KCNK13: variants seen among roughly 807,000 people sequenced by gnomAD.
KCNK13 encodes the protein potassium two pore domain channel subfamily K member 13, also known as potassium channel subfamily K member 13.
In KCNK13, 12 loss-of-function variants were observed where a neutral mutation model predicts 23.4. The ratio of observed to expected loss-of-function variants is 0.51; its 90% CI spans 0.33 to 0.83. KCNK13 has a LOEUF of 0.83. KCNK13 is among the 40% of genes least tolerant of loss of function. The pLI is 0.02. For missense variants in KCNK13, 463 were observed against 556.3 expected (o/e 0.83, Z 1.69); for synonymous variants, 231 against 229.5 (o/e 1.01, Z -0.06).
At chr14:90,128,799 T>C (rs958673563) in intron 1 of KCNK13, among the ~76,000 whole-genome samples, 4 of 152,150 alleles carry the variant, frequency 2.6e-5, no homozygotes, top group African/African-American at 2.4e-5. Context: ...CCCATTCCCC[T>C]TTTTTAAAAA....
chr14:90,107,427 G>A (rs879485748), intron 1 of KCNK13, among the ~76,000 whole-genome samples: 44 of 152,176 alleles, frequency 2.9e-4, no homozygotes, highest in African/African-American at 1.0e-3. Flanking sequence ...ACGGTGAGCC[G>A]AGATGGCACC....
At chr14:90,088,688 C>T (rs1889309259) in intron 1 of KCNK13, among the ~76,000 whole-genome samples, 1 of 152,190 alleles carries the variant, frequency 6.6e-6, no homozygotes, top group Non-Finnish European at 1.5e-5. Context: ...ACAGATGATC[C>T]CTTTGGGGAG....
At chr14:90,160,187 C>T (rs1890238257) in intron 1 of KCNK13, among the ~76,000 whole-genome samples, 4 of 152,174 alleles carry the variant, frequency 2.6e-5, no homozygotes, top group South Asian at 2.1e-4. Flanking sequence ...AATACCTAGA[C>T]ATTGACAAAA....
chr14:90,174,077 C>T (rs192236017), intron 1 of KCNK13, among the ~76,000 whole-genome samples: 20 of 152,078 alleles, frequency 1.3e-4, no homozygotes, highest in Admixed American at 3.9e-4. Flanking sequence ...GAGGCCGAGG[C>T]GGGCGGATCA....
intron 1 of KCNK13, among the ~76,000 whole-genome samples, chr14:90,074,094 C>G (rs900178335): frequency 6.6e-6 from 1 of 152,008 alleles, no homozygotes; most frequent in African/African-American, 2.4e-5. Flanking sequence ...CTTAGCCTCC[C>G]GAGTAGCTGG....
chr14:90,105,205 T>C (rs1271280609), intron 1 of KCNK13, among the ~76,000 whole-genome samples: 3 of 152,280 alleles, frequency 2.0e-5, no homozygotes, highest in East Asian at 3.9e-4. Context: ...TCATTCACGC[T>C]GGTCTCCTGT....
intron 1 of KCNK13, among the ~76,000 whole-genome samples, chr14:90,182,591 G>A (rs1299255785): frequency 2.0e-5 from 3 of 152,096 alleles, no homozygotes; most frequent in Non-Finnish European, 4.4e-5. Context: ...GGAGGCTGAG[G>A]TGGGTGGATC....
At chr14:90,178,569 C>A (rs1329923784) in intron 1 of KCNK13, among the ~76,000 whole-genome samples, 2 of 152,108 alleles carry the variant, frequency 1.3e-5, no homozygotes, top group Non-Finnish European at 2.9e-5. Context: ...GGATTACAGG[C>A]ATGAGCCACC....
chr14:90,148,429 C>T (rs147803831), intron 1 of KCNK13, among the ~76,000 whole-genome samples: 5 of 152,190 alleles, frequency 3.3e-5, no homozygotes, highest in African/African-American at 9.6e-5. Context: ...AACCTGCAAA[C>T]AGATCATTTC....
intron 1 of KCNK13, among the ~76,000 whole-genome samples, chr14:90,127,376 C>T (rs979847465): frequency 4.5e-4 from 69 of 151,682 alleles, no homozygotes; most frequent in African/African-American, 1.4e-3. Flanking sequence ...GGATCTGAGC[C>T]GGCCCCCAGA....
chr14:90,064,766 G>A (rs756794196), intron 1 of KCNK13, among the ~76,000 whole-genome samples: 56 of 152,130 alleles, frequency 3.7e-4, no homozygotes, highest in Non-Finnish European at 2.8e-4. Context: ...TGTCAGTGTG[G>A]GCTGATTTTT....
chr14:90,137,396 C>T (rs1378701631), intron 1 of KCNK13, among the ~76,000 whole-genome samples: 1 of 152,136 alleles, frequency 6.6e-6, no homozygotes, highest in Admixed American at 6.6e-5. Flanking sequence ...TCTCGGCTCA[C>T]TTCAACTTCT....
chr14:90,177,486 C>T (rs58393230), intron 1 of KCNK13, among the ~76,000 whole-genome samples: 9,924 of 152,178 alleles, frequency 0.065, 1,059 homozygotes, highest in African/African-American at 0.22. Flanking sequence ...CCATCTCTTC[C>T]CCCAAGGGAA....
chr14:90,155,125 G>A (rs1890179378), intron 1 of KCNK13, among the ~76,000 whole-genome samples: 1 of 152,154 alleles, frequency 6.6e-6, no homozygotes. Context: ...AAAGAGGGAT[G>A]GGAGTTTTGA....
At chr14:90,122,212 T>A (rs1238094912) in intron 1 of KCNK13, among the ~76,000 whole-genome samples, 1 of 152,168 alleles carries the variant, frequency 6.6e-6, no homozygotes, top group Middle Eastern at 3.2e-3. Context: ...GTAATCTACT[T>A]ATGGATAAAA....
chr14:90,101,518 C>T (rs903121882), intron 1 of KCNK13, among the ~76,000 whole-genome samples: 3 of 151,790 alleles, frequency 2.0e-5, no homozygotes, highest in East Asian at 1.9e-4. Flanking sequence ...ACCAGTTGGC[C>T]GGGTGTGGTG....
chr14:90,063,066 G>A (rs974446797), intron 1 of KCNK13, among the ~76,000 whole-genome samples: 2 of 152,102 alleles, frequency 1.3e-5, no homozygotes, highest in Admixed American at 6.5e-5. Flanking sequence ...GCCAATGACG[G>A]TTCAAAAGAT....
At chr14:90,082,895 C>T (rs890563451) in intron 1 of KCNK13, among the ~76,000 whole-genome samples, 42 of 152,100 alleles carry the variant, frequency 2.8e-4, no homozygotes, top group Non-Finnish European at 5.3e-4. Context: ...ATTGTATATT[C>T]CCACCGACAG....
intron 1 of KCNK13, among the ~76,000 whole-genome samples, chr14:90,083,327 A>G (rs1889235163): frequency 6.6e-6 from 1 of 152,192 alleles, no homozygotes; most frequent in Non-Finnish European, 1.5e-5. Context: ...TTAGTGTCAT[A>G]TTGTAAGAAA....
Sources: allele counts gnomAD v4.1 joint callset (sites outside exome capture counted in the v4.1 genomes callset), GRCh38; gene constraint gnomAD v4.1.1; transcripts MANE v1.5; gene names NCBI Gene and HGNC (gene_info 2026-07-23, HGNC 2026-07-21).